SENP2: variants seen among roughly 807,000 people sequenced by gnomAD.
SENP2 encodes sentrin-specific protease 2.
A neutral mutation model predicts 86.3 loss-of-function variants in SENP2; 16 were observed. The observed-to-expected ratio is 0.19, with a 90% CI of 0.13 to 0.28. The LOEUF is 0.28. Ranked by LOEUF, SENP2 falls within the 10% of genes least tolerant of loss-of-function variation. The pLI, the probability that SENP2 is intolerant of heterozygous loss-of-function variation, is 1.00. For missense variants in SENP2, 552 were observed against 703.0 expected (o/e 0.79, Z 2.43); for synonymous variants, 222 against 238.7 (o/e 0.93, Z 0.64).
chr3:185,607,687 T>A (rs969966557), intron 6 of SENP2, among the ~76,000 whole-genome samples: 1 of 152,090 alleles, frequency 6.6e-6, no homozygotes, highest in Non-Finnish European at 1.5e-5. Context: ...TAAAAAAATT[T>A]ACCAAGTTTT....
At position 185,619,890 on chromosome 3, in the gene SENP2, C is replaced by G. The variant is rs745425833; in HGVS notation, c.1446+388C>G. ...CTACAGGCATGGTCCACCATGCTTG[C>G]CTAATTTTATTTATTTATATATTTG... is the stretch of plus-strand genomic sequence containing the variant. On this transcript the variant is annotated intron_variant, in intron 13 of 16. Transcript: ENST00000296257. 2.8e-4 allele frequency among the ~76,000 whole-genome samples: 43 copies of G among 151,676 alleles called. 2 individuals carry two copies. The South Asian group carries it at 6.0e-3, about 21-fold the overall frequency.
At chr3:185,590,733 C>T (rs1367690682) in intron 2 of SENP2, among the ~76,000 whole-genome samples, 4 of 128,926 alleles carry the variant, frequency 3.1e-5, no homozygotes, top group Non-Finnish European at 5.0e-5. Flanking sequence ...AAGTGGTGCA[C>T]GCCTATAGTC....
intron 16 of SENP2, among the ~76,000 whole-genome samples, chr3:185,628,864 G>C (rs1391438942): frequency 1.3e-5 from 2 of 152,250 alleles, no homozygotes; most frequent in Non-Finnish European, 2.9e-5. Context: ...TAATTTTGGA[G>C]TTGCTTTTTG....
At chr3:185,594,706 A>G (rs1276514832) in intron 2 of SENP2, among the ~76,000 whole-genome samples, 1 of 147,316 alleles carries the variant, frequency 6.8e-6, no homozygotes, top group East Asian at 2.0e-4. Context: ...TGCAACCTCC[A>G]CCTCCCAGGT....
rs200651806 is a variant in SENP2 at position 185,620,053 on chromosome 3, C to CT, written c.1446+563dup. 5.1e-3 allele frequency among the ~76,000 whole-genome samples: 736 copies of CT among 144,106 alleles called. 4 individuals carry two copies. The highest frequency in any genetic ancestry group is 0.017 in the African/African-American group (672 of 39,432). 94.5% of individuals were successfully genotyped at this position (144,106 alleles called of 152,430 possible). A position where few individuals can be genotyped will look rare whatever the true frequency, so the allele number is the denominator to read the frequency against. ...CTGGCCTTTTTTTCTTTTTCTTTTTCTTTTTTTTTTTTAAATTTTTATTTT... is the reference window on the plus strand; with the variant it reads ...CTGGCCTTTTTTTCTTTTTCTTTTTCTTTTTTTTTTTTTAAATTTTTATTTT... On this transcript the variant is annotated intron_variant, in intron 13 of 16. Coordinates refer to ENST00000296257, the MANE Select transcript of SENP2 (RefSeq NM_021627.3).
chr3:185,604,868 G>C (rs1044020278), intron 5 of SENP2, among the ~76,000 whole-genome samples: 6 of 151,116 alleles, frequency 4.0e-5, no homozygotes, highest in African/African-American at 1.5e-4. Context: ...CAATTCTCCT[G>C]CCTCAGTCTC....
At chr3:185,610,926 C>G (rs1301783828) in intron 7 of SENP2, among the ~76,000 whole-genome samples, 5 of 151,890 alleles carry the variant, frequency 3.3e-5, no homozygotes, top group African/African-American at 1.2e-4. Context: ...CCACTGCACT[C>G]CAGCCTGAGC....
In SENP2 at chr3:185,611,711, C is replaced by T. The variant is rs150471029; in HGVS notation, c.783C>T (p.His261=). Residue 261 remains histidine, a synonymous_variant, in exon 8 of 17, where the codon CAC becomes CAT. Coordinates refer to ENST00000296257, the MANE Select transcript of SENP2 (RefSeq NM_021627.3). ...AAGGCTGGGGGGAAGAGCAAAATCA[C>T]GGAGTCAAAACAACTCAGTTTGTTC... is the stretch of plus-strand genomic sequence containing the variant. ...KTKGWGEEQN[H]GVKTTQFVPK... 6.4e-4 allele frequency: 1,036 copies of T among 1,613,442 alleles called. 1 individual carries two copies. Among genetic ancestry groups the T allele is most frequent in the Non-Finnish European group, 8.2e-4 (972 of 1,179,716 alleles).
Position 185,624,822 on chromosome 3 carries a change from C to G in SENP2, c.1611+740C>G, listed in dbSNP as rs868497757. ...GGCAGAGGTTGCAGTGAGCCGAGAT[C>G]GCACCACTGCACTCCAGCCTGGGCA... On this transcript the variant is annotated intron_variant, in intron 15 of 16. Coordinates refer to ENST00000296257, the MANE Select transcript of SENP2 (RefSeq NM_021627.3). Among the ~76,000 whole-genome samples the G allele has an allele frequency of 8.0e-5, 12 of 150,098 alleles. No individual in the cohort carries two copies. The Middle Eastern group carries it at 0.01, about 129-fold the overall frequency.
chr3:185,587,046 G>T (rs925408593), intron 1 of SENP2, among the ~76,000 whole-genome samples: 16 of 152,168 alleles, frequency 1.1e-4, no homozygotes, highest in African/African-American at 3.9e-4. Context: ...AAAGGCTTAG[G>T]TGCCTCACTC....
intron 5 of SENP2, among the ~76,000 whole-genome samples, 199 bp from the exon 6 acceptor site, chr3:185,606,131 A>T (rs1487319536): frequency 2.0e-5 from 3 of 152,102 alleles, no homozygotes; most frequent in Non-Finnish European, 4.4e-5. Context: ...TCTAGTTTAG[A>T]AACAGACATT....
chr3:185,618,186 C>T lies in SENP2; in HGVS notation c.1242+575C>T, dbSNP rs553462221. On this transcript the variant is annotated intron_variant, in intron 12 of 16. Transcript: ENST00000296257. The stretch of plus-strand genomic sequence containing the variant: ...CTCAAACTCTGGACCTCAGGTGATC[C>T]GCCCGCCTTGGCCTCCCAAAGTGCT... Among the ~76,000 whole-genome samples, 106 of 152,292 alleles carry T rather than the reference C, an allele frequency of 7.0e-4. No individual in the cohort carries two copies. The South Asian group carries it at 0.02, about 28-fold the overall frequency.
At chr3:185,611,011 C>T (rs1722671083) in intron 7 of SENP2, among the ~76,000 whole-genome samples, 2 of 152,066 alleles carry the variant, frequency 1.3e-5, no homozygotes, top group Non-Finnish European at 2.9e-5. Flanking sequence ...TGTGGTGGCT[C>T]ACACCTGTAA....
chr3:185,612,688 C>T, intron 9 of SENP2, 30 bp downstream of exon 9: 2 of 1,473,656 alleles, frequency 1.4e-6, no homozygotes, highest in Non-Finnish European at 1.9e-6. Context: ...TCTACACTTT[C>T]TTTTAATATA....
intron 2 of SENP2, among the ~76,000 whole-genome samples, chr3:185,590,867 CAAAAAAAAAAAA>C (rs1196821162): frequency 8.1e-4 from 11 of 13,528 alleles, no homozygotes; most frequent in South Asian, 5.4e-3. Context: ...CACTCCATCT[CAAAAAAAAAAAA>C]AAAAAAAAAA....
chr3:185,600,046 C>T (rs989500248), intron 4 of SENP2, among the ~76,000 whole-genome samples: 3 of 152,210 alleles, frequency 2.0e-5, no homozygotes, highest in African/African-American at 7.2e-5. Flanking sequence ...ATCCGCCCAC[C>T]TCGGCCTCCC....
At chr3:185,628,283 T>G (rs1577749897) in intron 16 of SENP2, among the ~76,000 whole-genome samples, 1 of 152,186 alleles carries the variant, frequency 6.6e-6, no homozygotes, top group East Asian at 1.9e-4. Context: ...ACTACAGGCA[T>G]GTACCACCAT....
At chr3:185,617,368 T>A (rs34765114) in intron 11 of SENP2, 112 bp from the exon 12 acceptor site, 267,779 of 742,824 alleles carry the variant, frequency 0.36, 49,592 homozygotes, top group South Asian at 0.54. Flanking sequence ...TATATTTTTC[T>A]CAAGAGTCAG....
intron 15 of SENP2, among the ~76,000 whole-genome samples, chr3:185,625,610 T>C (rs1712108989): frequency 6.6e-6 from 1 of 152,132 alleles, no homozygotes; most frequent in Non-Finnish European, 1.5e-5. Context: ...CACCTTTGGC[T>C]TATTATGCTC....
Sources: allele counts gnomAD v4.1 joint callset (sites outside exome capture counted in the v4.1 genomes callset), GRCh38; gene constraint gnomAD v4.1.1; transcripts MANE v1.5; gene names NCBI Gene and HGNC (gene_info 2026-07-23, HGNC 2026-07-21).